Variants in SDK1 observed in about 807,000 individuals in gnomAD.
The protein encoded by SDK1 is sidekick cell adhesion molecule 1.
SDK1 carries 157 observed loss-of-function variants against 245.5 expected under a neutral mutation model. That is an observed-to-expected ratio of 0.64 (90% CI 0.56 to 0.73). The LOEUF (loss-of-function observed/expected upper bound fraction) is 0.73, where lower values mean the gene tolerates loss of function less well. SDK1 is among the 30% of genes least tolerant of loss of function. SDK1 has a pLI of 0.00. For synonymous variants in SDK1, 1,647 were observed against 1,278.5 expected, an observed-to-expected ratio of 1.29 and a Z score of -6.15; for missense variants, 3,583 against 3,002.3, an observed-to-expected ratio of 1.19 and a Z score of -4.52.
intron 1 of SDK1, among the ~76,000 whole-genome samples, chr7:3,366,556 C>CT (rs1781097095): frequency 6.6e-6 from 1 of 152,046 alleles, no homozygotes; most frequent in African/African-American, 2.4e-5. Flanking sequence ...TCTTCTGAGG[C>CT]TTGTCACAAG....
intron 35 of SDK1, among the ~76,000 whole-genome samples, chr7:4,185,258 A>T (rs537612743): frequency 1.3e-5 from 2 of 152,204 alleles, no homozygotes; most frequent in Non-Finnish European, 2.9e-5. Context: ...GACAGTGTCT[A>T]TGGGTTCCTC....
At chr7:4,219,360 A>G (rs1214206879) in intron 38 of SDK1, among the ~76,000 whole-genome samples, 1 of 152,204 alleles carries the variant, frequency 6.6e-6, no homozygotes, top group Non-Finnish European at 1.5e-5. Flanking sequence ...AGACTGGGTA[A>G]TTTATAAAGG....
At position 3,450,290 on chromosome 7, in the gene SDK1, A is replaced by G. The variant is rs141848070; in HGVS notation, c.298+148406A>G. The stretch of plus-strand genomic sequence containing the variant: ...ACTGGTTTTGTCTTGAAAGTGGGTT[A>G]TAGTAAGTAGGGGAGTGGTCTCTTC... On this transcript the variant is annotated intron_variant, in intron 1 of 44. Coordinates refer to ENST00000404826, the MANE Select transcript of SDK1 (RefSeq NM_152744.4). Among the ~76,000 whole-genome samples the G allele has an allele frequency of 3.0e-4, 46 of 152,316 alleles. No homozygotes were observed. In the East Asian group the frequency reaches 8.7e-3, roughly 29 times the overall value.
At chr7:3,432,152 A>AAT (rs2128584791) in intron 1 of SDK1, among the ~76,000 whole-genome samples, 1 of 148,074 alleles carries the variant, frequency 6.8e-6, no homozygotes, top group Admixed American at 6.8e-5. Flanking sequence ...ATATTTAAAA[A>AAT]ATATATATTT....
intron 32 of SDK1, among the ~76,000 whole-genome samples, chr7:4,166,559 C>T (rs992305032): frequency 1.3e-5 from 2 of 152,168 alleles, no homozygotes; most frequent in Admixed American, 6.5e-5. Context: ...TTGTGTCTCA[C>T]GGGTATTGCG....
chr7:3,392,101 C>A (rs1003872041), intron 1 of SDK1, among the ~76,000 whole-genome samples: 13 of 151,724 alleles, frequency 8.6e-5, no homozygotes, highest in African/African-American at 3.2e-4. Context: ...ATAAAGATGC[C>A]CATCATGTCC....
intron 5 of SDK1, among the ~76,000 whole-genome samples, chr7:3,859,825 T>C (rs978124497): frequency 1.3e-5 from 2 of 152,150 alleles, no homozygotes; most frequent in African/African-American, 4.8e-5. Flanking sequence ...AACATATACA[T>C]GCAAAATACA....
intron 5 of SDK1, among the ~76,000 whole-genome samples, chr7:3,862,750 G>A (rs1033821017): frequency 1.3e-5 from 2 of 152,178 alleles, no homozygotes; most frequent in African/African-American, 4.8e-5. Flanking sequence ...CCATACTTCA[G>A]TGTTCCTTAG....
At chr7:3,453,517 C>T (rs562976666) in intron 1 of SDK1, among the ~76,000 whole-genome samples, 1 of 152,216 alleles carries the variant, frequency 6.6e-6, no homozygotes, top group South Asian at 2.1e-4. Flanking sequence ...GAGAGAGACA[C>T]AGAGGGAGGG....
At chr7:3,410,504 G>C (rs561637392) in intron 1 of SDK1, among the ~76,000 whole-genome samples, 1 of 152,018 alleles carries the variant, frequency 6.6e-6, no homozygotes, top group Admixed American at 6.5e-5. Context: ...CTTATATGGG[G>C]GAAGCTGTGA....
At position 3,950,943 on chromosome 7, in the gene SDK1, A is replaced by G. The variant is rs778246249; in HGVS notation, c.868A>G (p.Thr290Ala). Residue 290 changes from threonine to alanine, a missense_variant, in exon 6 of 45, where the codon ACC becomes GCC. Thr to Ala is a moderately conservative substitution (Grantham distance 58). Coordinates refer to ENST00000404826, the MANE Select transcript of SDK1 (RefSeq NM_152744.4). Reference protein sequence around the residue: ...SIARDVGTPETMAPTIVVPPG... With the variant: ...SIARDVGTPEAMAPTIVVPPG... Reference sequence around the variant, plus strand: ...CACAGGAGATGTTGGCACACCTGAAACCATGGCCCCAACCATTGTGGTTCC... The same window carrying G: ...CACAGGAGATGTTGGCACACCTGAAGCCATGGCCCCAACCATTGTGGTTCC... 14 of 1,613,928 alleles carry G rather than the reference A, an allele frequency of 8.7e-6. No homozygotes were observed. Among genetic ancestry groups the G allele is most frequent in the Non-Finnish European group, 1.2e-5 (14 of 1,179,910 alleles).
chr7:4,003,027 A>G (rs906511765), intron 14 of SDK1, among the ~76,000 whole-genome samples: 10 of 152,312 alleles, frequency 6.6e-5, no homozygotes, highest in East Asian at 1.9e-4. Flanking sequence ...AGGCCCCCCA[A>G]CACTGAGGAG....
At chr7:4,217,486 C>T (rs368048487) in intron 38 of SDK1, among the ~76,000 whole-genome samples, 7 of 96,628 alleles carry the variant, frequency 7.2e-5, no homozygotes, top group East Asian at 4.4e-4. Flanking sequence ...CCAGGCCACC[C>T]GGAGCACCAC....
At chr7:3,497,419 T>C (rs1198819491) in intron 1 of SDK1, among the ~76,000 whole-genome samples, 1 of 152,250 alleles carries the variant, frequency 6.6e-6, no homozygotes, top group African/African-American at 2.4e-5. Context: ...TTTGTAGCTG[T>C]CTGCTGCAGA....
chr7:3,508,565 T>C (rs1782472130), intron 1 of SDK1, among the ~76,000 whole-genome samples: 1 of 152,104 alleles, frequency 6.6e-6, no homozygotes, highest in African/African-American at 2.4e-5. Context: ...TGACCTCAAA[T>C]GATATACCCG....
intron 17 of SDK1, among the ~76,000 whole-genome samples, chr7:4,020,899 G>A (rs1786836604): frequency 6.6e-6 from 1 of 152,180 alleles, no homozygotes; most frequent in Non-Finnish European, 1.5e-5. Context: ...GTGTGAAAAG[G>A]CTTTCAAAAC....
At chr7:3,950,888 G>T in intron 5 of SDK1, 35 bp from the exon 6 acceptor site, 1 of 1,551,300 alleles carries the variant, frequency 6.4e-7, no homozygotes, top group Non-Finnish European at 8.9e-7. Context: ...CCTGTACTTA[G>T]AGTTTCATGG....
intron 22 of SDK1, among the ~76,000 whole-genome samples, chr7:4,086,920 A>G (rs751188460): frequency 2.0e-5 from 3 of 152,010 alleles, no homozygotes; most frequent in Non-Finnish European, 4.4e-5. Flanking sequence ...GGTTGGCTGG[A>G]TCACAAGGCA....
intron 1 of SDK1, among the ~76,000 whole-genome samples, chr7:3,438,119 C>T (rs1048127616): frequency 3.6e-4 from 55 of 152,292 alleles, no homozygotes; most frequent in African/African-American, 1.1e-3. Flanking sequence ...CCCCTGCATC[C>T]TGCCTTTGCC....
Sources: allele counts gnomAD v4.1 joint callset (sites outside exome capture counted in the v4.1 genomes callset), GRCh38; gene constraint gnomAD v4.1.1; transcripts MANE v1.5; gene names NCBI Gene and HGNC (gene_info 2026-07-23, HGNC 2026-07-21).